The following ENTREP2 variants were observed in gnomAD, a reference collection of about 807,000 sequenced individuals.
The protein encoded by ENTREP2 is protein ENTREP2.
At chr15:29,177,265 G>A in the ENTREP2 span, among the ~76,000 whole-genome samples, 1,544 of 152,230 alleles carry the variant, frequency 0.01, 20 homozygotes, top group Admixed American at 0.028. Context: ...TGTGATGGCT[G>A]GCAAAAAAGC....
At chr15:29,524,397 A>T in the ENTREP2 span, among the ~76,000 whole-genome samples, 2 of 152,188 alleles carry the variant, frequency 1.3e-5, no homozygotes, top group African/African-American at 2.4e-5. Context: ...TGTGAAGTAG[A>T]ACCCCCACAC....
the ENTREP2 span, among the ~76,000 whole-genome samples, chr15:29,173,179 A>T: frequency 6.6e-6 from 1 of 152,154 alleles, no homozygotes; most frequent in African/African-American, 2.4e-5. Flanking sequence ...CACTCCCAGG[A>T]CAGTCCACTG....
the ENTREP2 span, among the ~76,000 whole-genome samples, chr15:29,431,662 A>AT: frequency 1.4e-4 from 21 of 152,220 alleles, no homozygotes; most frequent in Non-Finnish European, 2.1e-4. Context: ...ATATGATTTT[A>AT]TACTCCCTGG....
chr15:29,459,829 A>C, the ENTREP2 span, among the ~76,000 whole-genome samples: 1 of 152,306 alleles, frequency 6.6e-6, no homozygotes, highest in East Asian at 1.9e-4. Flanking sequence ...TAATTACTTG[A>C]CTTGATAGGT....
the ENTREP2 span, chr15:29,570,500 C>G: frequency 7.4e-7 from 1 of 1,350,214 alleles, no homozygotes; most frequent in Non-Finnish European, 9.5e-7. Flanking sequence ...GTCGCGGACA[C>G]TCACCGAGAA....
At chr15:29,648,248 G>A in the ENTREP2 span, among the ~76,000 whole-genome samples, 2 of 152,152 alleles carry the variant, frequency 1.3e-5, no homozygotes, top group Non-Finnish European at 2.9e-5. Context: ...CAGTGGCTAG[G>A]GTTTTCTTCC....
At chr15:29,616,623 T>C in the ENTREP2 span, among the ~76,000 whole-genome samples, 5 of 152,236 alleles carry the variant, frequency 3.3e-5, no homozygotes, top group East Asian at 7.7e-4. Flanking sequence ...TTTTTCATAC[T>C]GCTTTAAGTA....
At chr15:29,628,838 C>T in the ENTREP2 span, among the ~76,000 whole-genome samples, 5 of 152,284 alleles carry the variant, frequency 3.3e-5, no homozygotes, top group East Asian at 7.7e-4. Flanking sequence ...CAACCTCTAC[C>T]TCCTGGGTTT....
chr15:29,656,510 G>C, the ENTREP2 span, among the ~76,000 whole-genome samples: 6 of 152,246 alleles, frequency 3.9e-5, no homozygotes, highest in Admixed American at 3.9e-4. Flanking sequence ...TACAGGCGTG[G>C]GCCACTGTGC....
the ENTREP2 span, among the ~76,000 whole-genome samples, chr15:29,559,746 C>T: frequency 1.3e-5 from 2 of 152,326 alleles, no homozygotes; most frequent in African/African-American, 4.8e-5. Flanking sequence ...TGTGATTACA[C>T]AGGGCCTGCC....
At chr15:29,448,193 G>GA in the ENTREP2 span, among the ~76,000 whole-genome samples, 1 of 152,082 alleles carries the variant, frequency 6.6e-6, no homozygotes, top group Non-Finnish European at 1.5e-5. Flanking sequence ...GAAAAACAGT[G>GA]GCCTATAGGT....
At chr15:29,657,483 C>CT in the ENTREP2 span, among the ~76,000 whole-genome samples, 2 of 69,382 alleles carry the variant, frequency 2.9e-5, no homozygotes, top group Admixed American at 1.7e-4. Flanking sequence ...GCTGGGGGGG[C>CT]GGGGGGGGGG....
chr15:29,212,454 A>AT, the ENTREP2 span, among the ~76,000 whole-genome samples: 1 of 151,554 alleles, frequency 6.6e-6, no homozygotes, highest in South Asian at 2.1e-4. Flanking sequence ...TATCTTTTGT[A>AT]TTTTTTTGTT....
At chr15:29,226,685 C>T in the ENTREP2 span, among the ~76,000 whole-genome samples, 63,919 of 151,972 alleles carry the variant, frequency 0.42, 13,742 homozygotes, top group East Asian at 0.6. Context: ...AGGACCCTGG[C>T]GACATAATTG....
At chr15:29,212,209 T>C in the ENTREP2 span, among the ~76,000 whole-genome samples, 1 of 152,096 alleles carries the variant, frequency 6.6e-6, no homozygotes, top group African/African-American at 2.4e-5. Flanking sequence ...GCTAGGAGGG[T>C]TGTATTTTTC....
chr15:29,570,525 G>A, the ENTREP2 span: 11 of 1,446,584 alleles, frequency 7.6e-6, no homozygotes, highest in South Asian at 1.3e-5. Context: ...GCCCAGAAGG[G>A]GCAGGAGTGG....
the ENTREP2 span, among the ~76,000 whole-genome samples, chr15:29,490,560 A>G: frequency 6.6e-6 from 1 of 152,182 alleles, no homozygotes; most frequent in Non-Finnish European, 1.5e-5. Flanking sequence ...GTCTGTTTTG[A>G]CAGGGTGCTG....
At chr15:29,403,649 T>C in the ENTREP2 span, among the ~76,000 whole-genome samples, 1 of 152,196 alleles carries the variant, frequency 6.6e-6, no homozygotes. Context: ...ACTGTACTAA[T>C]GTCATAAACC....
chr15:29,505,625 T>G, the ENTREP2 span, among the ~76,000 whole-genome samples: 1 of 152,124 alleles, frequency 6.6e-6, no homozygotes, highest in Middle Eastern at 3.4e-3. This position sits in a 1 kb window ranked among gnomAD's most constrained non-coding sequence, Gnocchi z 4.3. Flanking sequence ...GGGTCTGGAG[T>G]GGACCTCCAG....
Sources: gnomAD v4.1 joint callset for allele counts (sites outside exome capture counted in the v4.1 genomes callset) on GRCh38, gnomAD v4.1.1 for gene constraint, Gnocchi (gnomAD v3.1) non-coding constraint, MANE v1.5 for transcripts, NCBI Gene and HGNC (gene_info 2026-07-23, HGNC 2026-07-21) for gene names.